TAF2: variants seen among roughly 807,000 people sequenced by gnomAD.
TAF2 encodes the protein transcription initiation factor TFIID subunit 2.
TAF2 carries 61 observed loss-of-function variants against 138.5 expected under a neutral mutation model. The ratio of observed to expected loss-of-function variants is 0.44; its 90% confidence interval spans 0.36 to 0.54. The LOEUF (loss-of-function observed/expected upper bound fraction) is 0.54, where lower values mean the gene tolerates loss of function less well. TAF2 is among the 20% of genes least tolerant of loss of function. The pLI is 0.00. For synonymous variants in TAF2, 475 were observed against 469.9 expected (o/e 1.01, Z -0.14); for missense variants, 1,090 against 1,427.9 (o/e 0.76, Z 3.81).
intron 3 of TAF2, among the ~76,000 whole-genome samples, chr8:119,814,859 A>G (rs1825344124): frequency 6.6e-6 from 1 of 150,902 alleles, no homozygotes; most frequent in Non-Finnish European, 1.5e-5. Context: ...CAGTGAGCCA[A>G]GATCGTGTCA....
intron 23 of TAF2, chr8:119,744,714 T>C: frequency 2.5e-6 from 1 of 396,798 alleles, no homozygotes; most frequent in South Asian, 2.2e-5. Context: ...TATGTGATAA[T>C]ATAAGTTAAA....
chr8:119,783,075 T>C (rs1004786558), intron 16 of TAF2, among the ~76,000 whole-genome samples: 3 of 152,130 alleles, frequency 2.0e-5, no homozygotes, highest in Admixed American at 6.6e-5. Flanking sequence ...AACCAAGGAA[T>C]TGCTCACCAA....
At chr8:119,770,302 T>C (rs1821743031) in intron 18 of TAF2, among the ~76,000 whole-genome samples, 1 of 152,002 alleles carries the variant, frequency 6.6e-6, no homozygotes, top group Non-Finnish European at 1.5e-5. Context: ...AAGCATATAG[T>C]GGCCAGACCA....
At chr8:119,802,249 T>A (rs1465171236) in intron 5 of TAF2, among the ~76,000 whole-genome samples, 2 of 152,212 alleles carry the variant, frequency 1.3e-5, no homozygotes, top group Non-Finnish European at 2.9e-5. Flanking sequence ...TGTGGTACCA[T>A]CAGTTCAAAC....
At chr8:119,793,915 G>T (rs1262800653) in intron 9 of TAF2, among the ~76,000 whole-genome samples, 1 of 150,732 alleles carries the variant, frequency 6.6e-6, no homozygotes, top group East Asian at 2.0e-4. Context: ...AAAAAAAAGG[G>T]GGGGTTGGGG....
chr8:119,783,463 G>A lies in TAF2; in HGVS notation c.2030C>T (p.Ser677Phe). Residue 677 changes from serine (S) to phenylalanine (F), a missense_variant, in exon 16 of 26, where the codon TCT (serine) becomes TTT (phenylalanine). This residue lies in a region of TAF2 where 580 missense variants were observed against 719.6 expected (regional missense o/e 0.81). Transcript: ENST00000378164. Reference sequence around the variant, plus strand: ...TAATATATCAGTGAGTGCAAGCCGAGATGCTGGAGTAGGGAATTTTTCCAA... The same window carrying A: ...TAATATATCAGTGAGTGCAAGCCGAAATGCTGGAGTAGGGAATTTTTCCAA... ...LALEKFPTPA[S>F]RLALTDILEQ... is the part of the protein sequence containing the mutation. The A allele has an allele frequency of 6.2e-7, 1 of 1,614,154 alleles. No individual in the cohort carries two copies. Among genetic ancestry groups the A allele is most frequent in the Non-Finnish European group, 8.5e-7 (1 of 1,180,028 alleles).
intron 4 of TAF2, among the ~76,000 whole-genome samples, chr8:119,804,992 G>A (rs1486552516): frequency 1.3e-5 from 2 of 151,996 alleles, no homozygotes; most frequent in African/African-American, 2.4e-5. Context: ...CGACTTCCAC[G>A]TCTGTCCCCT....
intron 3 of TAF2, among the ~76,000 whole-genome samples, chr8:119,816,724 T>G (rs573558397): frequency 6.6e-6 from 1 of 152,354 alleles, no homozygotes; most frequent in Admixed American, 6.5e-5. Flanking sequence ...ATAATATTTC[T>G]TCTGAATAAT....
chr8:119,830,568 G>A (rs1826381936), intron 2 of TAF2, among the ~76,000 whole-genome samples: 1 of 152,164 alleles, frequency 6.6e-6, no homozygotes, highest in Non-Finnish European at 1.5e-5. Flanking sequence ...AAGACTGCAT[G>A]AGAAATTCCA....
Position 119,783,585 on chromosome 8 carries a change from T to C in TAF2, c.1908A>G (p.Val636=). ...CTTGCTCAAATTCTACCTTCCTCAA[T>C]ACTGACATATCTGGGTCTATCCTTA... ...LWIRIDPDMS[V]LRKVEFEQAD... is the part of the protein sequence containing the mutation. The change falls in exon 16 of 26, where the codon GTA becomes GTG. Residue 636 remains valine, a synonymous_variant. Transcript: ENST00000378164. 1 of 1,614,188 alleles carries C rather than the reference T, an allele frequency of 6.2e-7. No homozygotes were observed. The highest frequency in any genetic ancestry group is 8.5e-7 in the Non-Finnish European group (1 of 1,180,020).
At chr8:119,733,366 C>G (rs1819009135) in intron 25 of TAF2, among the ~76,000 whole-genome samples, 2 of 152,070 alleles carry the variant, frequency 1.3e-5, no homozygotes, top group Non-Finnish European at 2.9e-5. Context: ...TCTCTCTACA[C>G]AGATGAGAGT....
intron 20 of TAF2, among the ~76,000 whole-genome samples, chr8:119,758,409 A>G (rs958311355): frequency 1.3e-5 from 2 of 152,214 alleles, no homozygotes; most frequent in East Asian, 3.8e-4. Context: ...AATGGCAAGC[A>G]TAACATAAAG....
chr8:119,793,574 TAAGTG>T, intron 9 of TAF2, 123 bp from the exon 10 acceptor site: 1 of 741,582 alleles, frequency 1.3e-6, no homozygotes, highest in South Asian at 1.7e-5. Context: ...TTTCTTAAAA[TAAGTG>T]AAATGTATTT....
intron 18 of TAF2, among the ~76,000 whole-genome samples, chr8:119,774,259 A>G (rs967051869): frequency 6.6e-6 from 1 of 152,202 alleles, no homozygotes; most frequent in African/African-American, 2.4e-5. Flanking sequence ...CAGTATCATC[A>G]AAACCTAGTA....
intron 25 of TAF2, among the ~76,000 whole-genome samples, chr8:119,742,200 A>ATTTCT (rs1352447713): frequency 6.6e-6 from 1 of 152,226 alleles, no homozygotes; most frequent in African/African-American, 2.4e-5. Context: ...ATTCTTAGAA[A>ATTTCT]AAGCATGGCA....
Position 119,731,962 on chromosome 8 carries a change from T to G in TAF2, c.3562A>C (p.Ser1188Arg). The G allele has an allele frequency of 6.2e-7, 1 of 1,614,250 alleles. No individual in the cohort carries two copies. The highest frequency in any genetic ancestry group is 8.5e-7 in the Non-Finnish European group (1 of 1,180,038). Residue 1188 changes from serine (S) to arginine (R), a missense_variant, in exon 26 of 26, where the codon AGT becomes CGT. Ser to Arg is a moderately radical substitution (Grantham distance 110). Transcript: ENST00000378164. Reference sequence around the variant, plus strand: ...GAAGGAGAACGAATAGACCTGCCACTGGCAGGGCTGGAGAAAGTGAAAGGC... The same window carrying G: ...GAAGGAGAACGAATAGACCTGCCACGGGCAGGGCTGGAGAAAGTGAAAGGC... ...KEPFTFSSPA[S>R]GRSIRSPSLS...
At chr8:119,780,047 T>C (rs1478134834) in intron 17 of TAF2, among the ~76,000 whole-genome samples, 1 of 152,228 alleles carries the variant, frequency 6.6e-6, no homozygotes, top group East Asian at 1.9e-4. Flanking sequence ...TCCGTTCTTA[T>C]ATCTTTGACT....
At chr8:119,756,268 A>C (rs748233670) in intron 21 of TAF2, among the ~76,000 whole-genome samples, 153 bp from the exon 22 acceptor site, 16 of 152,164 alleles carry the variant, frequency 1.1e-4, no homozygotes, top group Non-Finnish European at 1.5e-4. Context: ...TATTTAGTTT[A>C]ATTTCCAAAG....
At position 119,790,692 on chromosome 8, in the gene TAF2, G is replaced by C. The variant is rs114757885; in HGVS notation, c.1413+632C>G. On this transcript the variant is annotated intron_variant, in intron 11 of 25. Coordinates refer to ENST00000378164, the MANE Select transcript of TAF2 (RefSeq NM_003184.4). ...GCAAAAATAAACATCTTTTTTATTG[G>C]TTTACGTTTTTCTATTGAAAACAGT... 9.1e-3 allele frequency among the ~76,000 whole-genome samples: 1,378 copies of C among 152,108 alleles called. 20 individuals carry two copies. The highest frequency in any genetic ancestry group is 0.032 in the African/African-American group (1,314 of 41,502).
Sources: gnomAD v4.1 joint callset for allele counts (sites outside exome capture counted in the v4.1 genomes callset) on GRCh38, gnomAD v4.1.1 for gene constraint, gnomAD v4.1.1 regional missense constraint, MANE v1.5 for transcripts, NCBI Gene and HGNC (gene_info 2026-07-23, HGNC 2026-07-21) for gene names.